Variants in CNTN5 observed in about 807,000 individuals in gnomAD.
The protein encoded by CNTN5 is contactin-5.
In CNTN5, 77 loss-of-function variants were observed where a neutral mutation model predicts 129.1. That is an observed-to-expected ratio of 0.60 (90% CI 0.50 to 0.72). The LOEUF (loss-of-function observed/expected upper bound fraction) is 0.72, where lower values mean the gene tolerates loss of function less well. Ranked by LOEUF, CNTN5 falls within the 30% of genes least tolerant of loss-of-function variation. The pLI, the probability that CNTN5 is intolerant of heterozygous loss-of-function variation, is 0.00. For missense variants in CNTN5, 1,478 were observed against 1,328.8 expected, an observed-to-expected ratio of 1.11 and a Z score of -1.75; for synonymous variants, 509 against 465.6, an observed-to-expected ratio of 1.09 and a Z score of -1.20.
At chr11:100,266,310 C>A (rs574730110) in intron 17 of CNTN5, among the ~76,000 whole-genome samples, 1 of 152,176 alleles carries the variant, frequency 6.6e-6, no homozygotes, top group African/African-American at 2.4e-5. Context: ...TAAGGTCTTC[C>A]ACTGTCTTTC....
At chr11:99,411,717 G>T (rs1007930368) in intron 2 of CNTN5, among the ~76,000 whole-genome samples, 6 of 152,042 alleles carry the variant, frequency 3.9e-5, no homozygotes, top group African/African-American at 1.4e-4. Flanking sequence ...AATAGCATTT[G>T]CCCTTGCCAG....
intron 8 of CNTN5, among the ~76,000 whole-genome samples, chr11:99,968,457 G>A (rs1180156785): frequency 1.3e-5 from 2 of 151,912 alleles, no homozygotes; most frequent in African/African-American, 4.8e-5. Context: ...GTGTCAACAT[G>A]GAAATTCTGA....
At chr11:100,108,470 A>T (rs2138101731) in intron 13 of CNTN5, among the ~76,000 whole-genome samples, 1 of 152,256 alleles carries the variant, frequency 6.6e-6, no homozygotes, top group African/African-American at 2.4e-5. Context: ...TTTTCAGCAC[A>T]AAGCTTCAAT....
At chr11:99,368,324 A>T (rs1025258272) in intron 2 of CNTN5, among the ~76,000 whole-genome samples, 2 of 152,202 alleles carry the variant, frequency 1.3e-5, no homozygotes, top group Middle Eastern at 3.4e-3. Flanking sequence ...TTAGTTTTAG[A>T]TGTACACAGT....
intron 17 of CNTN5, among the ~76,000 whole-genome samples, chr11:100,260,239 A>T (rs973351199): frequency 6.6e-6 from 1 of 152,168 alleles, no homozygotes; most frequent in African/African-American, 2.4e-5. Flanking sequence ...CCCAAGAATA[A>T]ACCAAGAAGA....
At chr11:99,374,859 T>G (rs1940065174) in intron 2 of CNTN5, among the ~76,000 whole-genome samples, 1 of 151,986 alleles carries the variant, frequency 6.6e-6, no homozygotes. Context: ...GAAGGCCAAA[T>G]GAATGTGTTG....
At chr11:99,086,097 T>C (rs1033190448) in intron 1 of CNTN5, among the ~76,000 whole-genome samples, 10 of 152,266 alleles carry the variant, frequency 6.6e-5, no homozygotes, top group African/African-American at 2.4e-4. Flanking sequence ...GATTATCTTA[T>C]ACTTTGCACA....
chr11:99,517,709 A>G (rs1947111432), intron 2 of CNTN5, among the ~76,000 whole-genome samples: 1 of 152,006 alleles, frequency 6.6e-6, no homozygotes, highest in Non-Finnish European at 1.5e-5. Context: ...TCCTTCATAA[A>G]CCATTTGCTC....
intron 1 of CNTN5, among the ~76,000 whole-genome samples, chr11:99,191,294 T>C (rs187369248): frequency 8.6e-5 from 13 of 151,966 alleles, no homozygotes; most frequent in Admixed American, 1.3e-4. Flanking sequence ...TATTGGCCTA[T>C]AATTTTTTTG....
intron 7 of CNTN5, among the ~76,000 whole-genome samples, chr11:99,944,636 C>T (rs1287537555): frequency 6.6e-6 from 1 of 152,052 alleles, no homozygotes; most frequent in East Asian, 1.9e-4. Context: ...CCCAAAAACT[C>T]CTTAAGCTGA....
intron 2 of CNTN5, among the ~76,000 whole-genome samples, chr11:99,541,685 A>G (rs144568939): frequency 6.6e-6 from 1 of 152,282 alleles, no homozygotes; most frequent in African/African-American, 2.4e-5. Context: ...GCAGTGAATC[A>G]CACCTGTAAT....
At chr11:99,975,066 G>A (rs553664454) in intron 8 of CNTN5, among the ~76,000 whole-genome samples, 1 of 152,300 alleles carries the variant, frequency 6.6e-6, no homozygotes, top group Non-Finnish European at 1.5e-5. Context: ...TCCACAAGTC[G>A]GCCATTGCCG....
At chr11:100,069,952 TAC>T (rs1943842127) in intron 10 of CNTN5, among the ~76,000 whole-genome samples, 1 of 152,110 alleles carries the variant, frequency 6.6e-6, no homozygotes, top group Non-Finnish European at 1.5e-5. Context: ...AGAAAAATTT[TAC>T]AGTGAAATCT....
At chr11:99,916,230 G>T (rs1949787322) in intron 7 of CNTN5, 81 bp downstream of exon 7, 2 of 1,076,024 alleles carry the variant, frequency 1.9e-6, no homozygotes, top group South Asian at 2.9e-5. Flanking sequence ...ATATTGATGG[G>T]AGAACATTTC....
At chr11:100,326,895 G>T (rs4462303) in intron 21 of CNTN5, among the ~76,000 whole-genome samples, 42,669 of 152,020 alleles carry the variant, frequency 0.28, 6,283 homozygotes, top group African/African-American at 0.31. Context: ...GGCACCAAAA[G>T]CTCAAAAACT....
At chr11:99,092,996 T>C (rs2135323809) in intron 1 of CNTN5, among the ~76,000 whole-genome samples, 1 of 152,220 alleles carries the variant, frequency 6.6e-6, no homozygotes, top group East Asian at 1.9e-4. Context: ...CAATTTTCAT[T>C]GCTTATTTAT....
chr11:99,989,062 C>T (rs1938881674), intron 8 of CNTN5, among the ~76,000 whole-genome samples: 1 of 152,046 alleles, frequency 6.6e-6, no homozygotes, highest in Admixed American at 6.5e-5. Context: ...AGACATATTT[C>T]TTTGTTTTAT....
intron 1 of CNTN5, among the ~76,000 whole-genome samples, chr11:99,322,974 C>T (rs1408472744): frequency 2.0e-5 from 3 of 152,004 alleles, no homozygotes; most frequent in Non-Finnish European, 2.9e-5. Context: ...GACAACTTAC[C>T]TTCTTTTTCA....
intron 1 of CNTN5, among the ~76,000 whole-genome samples, chr11:99,036,055 T>G (rs1863711083): frequency 6.6e-6 from 1 of 152,150 alleles, no homozygotes. Context: ...GATATGAAAT[T>G]CTGGGTTGAA....
Sources: gnomAD v4.1 joint callset for allele counts (sites outside exome capture counted in the v4.1 genomes callset) on GRCh38, gnomAD v4.1.1 for gene constraint, MANE v1.5 for transcripts, NCBI Gene and HGNC (gene_info 2026-07-23, HGNC 2026-07-21) for gene names.